The following SRBD1 variants were observed in gnomAD, a reference collection of about 807,000 sequenced individuals.
SRBD1 encodes S1 RNA binding domain 1, also known as S1 RNA-binding domain-containing protein 1.
Under a neutral mutation model 115.3 loss-of-function variants are expected in SRBD1, and 88 were observed. That is an observed-to-expected ratio of 0.76 (90% CI 0.64 to 0.91). The LOEUF (loss-of-function observed/expected upper bound fraction) is 0.91, where lower values mean the gene tolerates loss of function less well. SRBD1 is among the 40% of genes least tolerant of loss of function. The pLI, the probability that SRBD1 is intolerant of heterozygous loss-of-function variation, is 0.00. For synonymous variants in SRBD1, 509 were observed against 407.7 expected (o/e 1.25, Z -2.99); for missense variants, 1,385 against 1,177.4 (o/e 1.18, Z -2.58).
At chr2:45,458,884 C>T (rs1001140720) in intron 16 of SRBD1, among the ~76,000 whole-genome samples, 6 of 152,050 alleles carry the variant, frequency 3.9e-5, no homozygotes, top group Non-Finnish European at 7.4e-5. Context: ...TAAACTATGA[C>T]GTTTTGGCAA....
At chr2:45,435,566 A>AC (rs1278595350) in intron 16 of SRBD1, among the ~76,000 whole-genome samples, 1 of 67,852 alleles carries the variant, frequency 1.5e-5, no homozygotes, top group African/African-American at 5.7e-5. Flanking sequence ...AGGGGAAAAA[A>AC]AAAAAACAAA....
At chr2:45,507,583 T>C (rs1185390000) in intron 14 of SRBD1, among the ~76,000 whole-genome samples, 6 of 151,860 alleles carry the variant, frequency 4.0e-5, no homozygotes, top group Admixed American at 3.3e-4. Context: ...TAGCCCGGCA[T>C]GGTGGCGGGC....
intron 16 of SRBD1, among the ~76,000 whole-genome samples, chr2:45,440,678 T>C (rs1280116126): frequency 6.6e-6 from 1 of 152,210 alleles, no homozygotes; most frequent in Non-Finnish European, 1.5e-5. Context: ...GTCATAAAAG[T>C]GGACTTTAGA....
chr2:45,530,826 A>G (rs1671588599), intron 14 of SRBD1, among the ~76,000 whole-genome samples: 1 of 152,024 alleles, frequency 6.6e-6, no homozygotes, highest in African/African-American at 2.4e-5. Context: ...CTATGTCAAC[A>G]AAGGGGCAAG....
At chr2:45,500,062 C>A (rs1670580255) in intron 14 of SRBD1, among the ~76,000 whole-genome samples, 1 of 152,084 alleles carries the variant, frequency 6.6e-6, no homozygotes, top group African/African-American at 2.4e-5. Context: ...AGGTATTGCA[C>A]TGAATCTGTA....
rs930796021 is a variant in SRBD1, at chr2:45,389,077, A to G, written c.*233T>C. Reference sequence around the variant, plus strand: ...AAATTTTAGTCAGAAAACTATTACTACATAAAGCCATATAAGAATGTGTAT... The same window carrying G: ...AAATTTTAGTCAGAAAACTATTACTGCATAAAGCCATATAAGAATGTGTAT... On this transcript the variant is annotated 3_prime_UTR_variant, in exon 21 of 21. Coordinates refer to ENST00000263736, the MANE Select transcript of SRBD1 (RefSeq NM_018079.5). The G allele has an allele frequency of 4.6e-5, 23 of 500,200 alleles. 1 individual carries two copies. In the East Asian group the frequency reaches 7.3e-4, roughly 16 times the overall value. 31.0% of individuals were successfully genotyped at this position (500,200 alleles called of 1,614,324 possible). A position where few individuals can be genotyped will look rare whatever the true frequency, so the allele number is the denominator to read the frequency against.
intron 14 of SRBD1, among the ~76,000 whole-genome samples, chr2:45,516,287 T>A (rs1671116110): frequency 6.6e-6 from 1 of 152,226 alleles, no homozygotes; most frequent in African/African-American, 2.4e-5. Flanking sequence ...ATATTAGGGA[T>A]AAGCAGCAGC....
chr2:45,407,988 G>A (rs565718140), intron 19 of SRBD1, among the ~76,000 whole-genome samples: 105 of 152,128 alleles, frequency 6.9e-4, no homozygotes, highest in Admixed American at 1.4e-3. Context: ...ATATGAGACA[G>A]ACTATCATAA....
chr2:45,468,083 C>T (rs1236077641), intron 16 of SRBD1, among the ~76,000 whole-genome samples: 1 of 152,126 alleles, frequency 6.6e-6, no homozygotes, highest in African/African-American at 2.4e-5. Context: ...CCCATCCAAA[C>T]TATCATCTTA....
chr2:45,527,227 G>C (rs1292627543), intron 14 of SRBD1, among the ~76,000 whole-genome samples: 1 of 151,894 alleles, frequency 6.6e-6, no homozygotes, highest in Non-Finnish European at 1.5e-5. Context: ...TCAAATTTCT[G>C]AGTGCCAACA....
intron 14 of SRBD1, among the ~76,000 whole-genome samples, chr2:45,524,263 C>A (rs923668316): frequency 6.6e-6 from 1 of 151,936 alleles, no homozygotes; most frequent in African/African-American, 2.4e-5. Flanking sequence ...TCTGCTCTTG[C>A]CACTTCTATT....
rs372389381 is a variant in SRBD1, at chr2:45,536,423, C to A, written c.1874+10309G>T. On this transcript the variant is annotated intron_variant, in intron 14 of 20. Transcript: ENST00000263736. ...TGTTCTAGCAAACCAATCACCCAAACATTTTTATTTGTGTTTTTCTCTACT... is the reference window on the plus strand; with the variant it reads ...TGTTCTAGCAAACCAATCACCCAAAAATTTTTATTTGTGTTTTTCTCTACT... 7.9e-5 allele frequency among the ~76,000 whole-genome samples: 12 copies of A among 152,116 alleles called. No homozygotes were observed. In the East Asian group the frequency reaches 2.1e-3, roughly 27 times the overall value.
rs866249317 is a variant in SRBD1, at chr2:45,414,845, T to C, written c.2334-1552A>G. Among the ~76,000 whole-genome samples, 162 of 139,532 alleles carry C rather than the reference T, an allele frequency of 1.2e-3. 2 individuals carry two copies. The highest frequency in any genetic ancestry group is 5.2e-3 in the East Asian group (25 of 4,818). The allele number at this position is 139,532 out of a possible 152,430, so 91.5% of individuals were successfully genotyped here. On this transcript the variant is annotated intron_variant, in intron 18 of 20. Coordinates refer to ENST00000263736, the MANE Select transcript of SRBD1 (RefSeq NM_018079.5). ...TGTGTATATAGTATGTACACACACA[T>C]ATAGTGTGTATATAGTATGTACACA...
At chr2:45,410,623 C>T (rs1375230822) in intron 19 of SRBD1, among the ~76,000 whole-genome samples, 2 of 152,120 alleles carry the variant, frequency 1.3e-5, no homozygotes, top group African/African-American at 4.8e-5. Flanking sequence ...CCCCTAGATA[C>T]CTTCAGGATA....
At chr2:45,478,951 G>A (rs554030284) in intron 15 of SRBD1, among the ~76,000 whole-genome samples, 1 of 152,058 alleles carries the variant, frequency 6.6e-6, no homozygotes, top group Non-Finnish European at 1.5e-5. Context: ...AATAGCATGG[G>A]CACACTTCTG....
At chr2:45,472,262 G>A (rs1669671366) in intron 16 of SRBD1, among the ~76,000 whole-genome samples, 1 of 152,194 alleles carries the variant, frequency 6.6e-6, no homozygotes, top group African/African-American at 2.4e-5. Flanking sequence ...ATGATTCCAT[G>A]TATATGAAGT....
chr2:45,477,050 A>ATC lies in SRBD1; in HGVS notation c.1990_1991dup (p.Asp664GlufsTer4). On this transcript the variant is annotated frameshift_variant, in exon 16 of 21. Transcript: ENST00000263736. LOFTEE classifies it high-confidence loss of function. ...CAATTTTCACTAGCTCAGCTAATGG[A>ATC]TCTTGTACACGCCTTGCTATGGAAA... is the stretch of plus-strand genomic sequence containing the variant. 1 of 1,613,778 alleles carries ATC rather than the reference A, an allele frequency of 6.2e-7. No homozygotes were observed. Among genetic ancestry groups the ATC allele is most frequent in the Non-Finnish European group, 8.5e-7 (1 of 1,179,900 alleles).
intron 16 of SRBD1, among the ~76,000 whole-genome samples, chr2:45,458,847 C>T (rs1276808252): frequency 6.6e-6 from 1 of 152,106 alleles, no homozygotes; most frequent in Non-Finnish European, 1.5e-5. Flanking sequence ...AGTAGAATGA[C>T]TACAGGGGAA....
chr2:45,444,157 T>A (rs1269802133), intron 16 of SRBD1, among the ~76,000 whole-genome samples: 1 of 152,078 alleles, frequency 6.6e-6, no homozygotes, highest in Non-Finnish European at 1.5e-5. Context: ...TATAATACCA[T>A]AACTTTGGAA....
Sources: gnomAD v4.1 joint callset for allele counts (sites outside exome capture counted in the v4.1 genomes callset) on GRCh38, gnomAD v4.1.1 for gene constraint, MANE v1.5 for transcripts, NCBI Gene and HGNC (gene_info 2026-07-23, HGNC 2026-07-21) for gene names.